LPGAT1: variants seen among roughly 807,000 people sequenced by gnomAD.
LPGAT1 encodes lysophosphatidylglycerol acyltransferase 1.
Under a neutral mutation model 47.5 loss-of-function variants are expected in LPGAT1, and 11 were observed. That is an observed-to-expected ratio of 0.23 (90% CI 0.15 to 0.38). LPGAT1 has a LOEUF of 0.38. Among genes scored for constraint, LPGAT1 ranks in the 10% least tolerant of loss-of-function variants. LPGAT1 has a pLI of 1.00. For missense variants in LPGAT1, 293 were observed against 439.0 expected (o/e 0.67, Z 2.97); for synonymous variants, 138 against 144.2 (o/e 0.96, Z 0.31).
chr1:211,756,636 T>TA (rs1253360381), intron 6 of LPGAT1, among the ~76,000 whole-genome samples: 3 of 152,196 alleles, frequency 2.0e-5, no homozygotes, highest in Admixed American at 6.5e-5. Context: ...AGTCAACTTT[T>TA]AAAAAAAGAA....
In LPGAT1 at chr1:211,793,482, G is replaced by C. The variant is rs560188597; in HGVS notation, c.239-292C>G. 2.6e-5 allele frequency among the ~76,000 whole-genome samples: 4 copies of C among 151,686 alleles called. No individual in the cohort carries two copies. The East Asian group carries it at 7.7e-4, about 29-fold the overall frequency. Reference sequence around the variant, plus strand: ...GAGTCTAGCTCTGTCACCCAGGCTGGAGTGTAGTGGTGCGATCTTGGCTCA... The same window carrying C: ...GAGTCTAGCTCTGTCACCCAGGCTGCAGTGTAGTGGTGCGATCTTGGCTCA... On this transcript the variant is annotated intron_variant, in intron 2 of 7. Coordinates refer to ENST00000366997, the MANE Select transcript of LPGAT1 (RefSeq NM_014873.3).
chr1:211,767,633 T>C (rs145499855), intron 6 of LPGAT1, among the ~76,000 whole-genome samples: 13 of 152,210 alleles, frequency 8.5e-5, no homozygotes, highest in African/African-American at 3.1e-4. Flanking sequence ...CAGACTTCTC[T>C]AGGGAAGAGC....
At chr1:211,770,385 T>A (rs1658115279) in intron 6 of LPGAT1, among the ~76,000 whole-genome samples, 1 of 152,222 alleles carries the variant, frequency 6.6e-6, no homozygotes, top group Non-Finnish European at 1.5e-5. Flanking sequence ...CCTGATCTTT[T>A]CATATATTTT....
intron 2 of LPGAT1, among the ~76,000 whole-genome samples, chr1:211,822,230 G>C (rs1660387492): frequency 6.6e-6 from 1 of 152,110 alleles, no homozygotes; most frequent in Non-Finnish European, 1.5e-5. Flanking sequence ...CTATGTGAAG[G>C]TGTGTGCATG....
intron 6 of LPGAT1, among the ~76,000 whole-genome samples, chr1:211,778,099 T>G (rs936928768): frequency 3.3e-5 from 5 of 151,970 alleles, no homozygotes; most frequent in African/African-American, 9.7e-5. Context: ...TCCCAGCACT[T>G]TGGGAGGCCG....
chr1:211,754,770 C>T (rs1009824386), intron 6 of LPGAT1, among the ~76,000 whole-genome samples: 1 of 152,124 alleles, frequency 6.6e-6, no homozygotes, highest in Non-Finnish European at 1.5e-5. Context: ...AATTCCAGCA[C>T]TTTGGGAGGC....
At position 211,749,647 on chromosome 1, in the gene LPGAT1, A is replaced by AT. The variant is rs1657091997; in HGVS notation, c.*251dup. ...TATGATTTCCTCTTCTCCAAATGTG[A>AT]TGTTTGCTTAAATATGTGATAGAGT... On this transcript the variant is annotated 3_prime_UTR_variant, in exon 8 of 8. Coordinates refer to ENST00000366997, the MANE Select transcript of LPGAT1 (RefSeq NM_014873.3). 1 of 401,160 alleles carries AT rather than the reference A, an allele frequency of 2.5e-6. No homozygotes were observed. Among genetic ancestry groups the AT allele is most frequent in the Non-Finnish European group, 4.5e-6 (1 of 224,264 alleles). The allele number at this position is 401,160 out of a possible 1,614,324, so 24.9% of individuals were successfully genotyped here.
intron 1 of LPGAT1, chr1:211,829,727 A>G (rs1405750967): frequency 4.9e-6 from 5 of 1,015,948 alleles, no homozygotes; most frequent in African/African-American, 1.7e-5. Context: ...GGTCCCCTCA[A>G]TAAGATTTCC....
At chr1:211,760,785 G>C (rs1449994663) in intron 6 of LPGAT1, among the ~76,000 whole-genome samples, 1 of 152,160 alleles carries the variant, frequency 6.6e-6, no homozygotes, top group Admixed American at 6.5e-5. Context: ...AGACAGAAGG[G>C]TGCTCGGAGC....
chr1:211,824,051 A>G (rs1660455408), intron 2 of LPGAT1, among the ~76,000 whole-genome samples: 1 of 152,162 alleles, frequency 6.6e-6, no homozygotes, highest in African/African-American at 2.4e-5. Flanking sequence ...TTGATAATAG[A>G]CCTTTCAGGA....
At chr1:211,785,992 G>A (rs1413946191) in intron 4 of LPGAT1, among the ~76,000 whole-genome samples, 2 of 152,128 alleles carry the variant, frequency 1.3e-5, no homozygotes, top group African/African-American at 4.8e-5. Context: ...CTGGAAATGA[G>A]GTAAGGTGCT....
intron 2 of LPGAT1, among the ~76,000 whole-genome samples, chr1:211,808,269 C>T (rs1158808233): frequency 1.3e-5 from 2 of 149,858 alleles, no homozygotes; most frequent in South Asian, 2.2e-4. Context: ...CACTTGAACC[C>T]GGGCAGGGTT....
intron 6 of LPGAT1, among the ~76,000 whole-genome samples, chr1:211,769,946 G>GC (rs946428349): frequency 2.6e-5 from 4 of 152,082 alleles, no homozygotes; most frequent in African/African-American, 9.7e-5. Context: ...ATTCTACCCA[G>GC]CCCCTACTCA....
At chr1:211,769,050 T>C (rs192902416) in intron 6 of LPGAT1, among the ~76,000 whole-genome samples, 18 of 152,254 alleles carry the variant, frequency 1.2e-4, no homozygotes, top group Admixed American at 1.0e-3. Context: ...GGTTTTTAGA[T>C]GGGAAGCCAT....
At position 211,749,992 on chromosome 1, in the gene LPGAT1, G is replaced by A. The variant is rs147113335; in HGVS notation, c.1020C>T (p.Ser340=). 1 of 1,614,038 alleles carries A rather than the reference G, an allele frequency of 6.2e-7. No individual in the cohort carries two copies. Among genetic ancestry groups the A allele is most frequent in the Non-Finnish European group, 8.5e-7 (1 of 1,179,910 alleles). ...KEAVSREMTL[S]NLWIFLIQSF... ...ACTGTATGAGAAATATCCACAAGTT[G>A]CTGAGGGTCATCTCCCTGGAAACAG... The change falls in exon 8 of 8, where the codon AGC becomes AGT. Residue 340 remains serine, a synonymous_variant. Coordinates refer to ENST00000366997, the MANE Select transcript of LPGAT1 (RefSeq NM_014873.3).
chr1:211,786,588 T>C (rs1299160950), intron 4 of LPGAT1, among the ~76,000 whole-genome samples: 1 of 152,204 alleles, frequency 6.6e-6, no homozygotes, highest in African/African-American at 2.4e-5. Flanking sequence ...CACTAAACTA[T>C]TCCTAATGCT....
chr1:211,817,716 T>C (rs1192679230), intron 2 of LPGAT1, among the ~76,000 whole-genome samples: 1 of 152,216 alleles, frequency 6.6e-6, no homozygotes, highest in East Asian at 1.9e-4. Flanking sequence ...TACATGAAAC[T>C]TGAAAAACCT....
chr1:211,769,299 T>A (rs1658066052), intron 6 of LPGAT1, among the ~76,000 whole-genome samples: 1 of 152,120 alleles, frequency 6.6e-6, no homozygotes, highest in African/African-American at 2.4e-5. Flanking sequence ...GGATGTGGAA[T>A]ATGAGAGAAA....
At chr1:211,760,167 T>C (rs1041079977) in intron 6 of LPGAT1, among the ~76,000 whole-genome samples, 1 of 152,206 alleles carries the variant, frequency 6.6e-6, no homozygotes, top group Non-Finnish European at 1.5e-5. Context: ...TCTTTAAGAA[T>C]AGAGATATCG....
Sources: gnomAD v4.1 joint callset for allele counts (sites outside exome capture counted in the v4.1 genomes callset) on GRCh38, gnomAD v4.1.1 for gene constraint, MANE v1.5 for transcripts, NCBI Gene and HGNC (gene_info 2026-07-23, HGNC 2026-07-21) for gene names.